The following KIAA1549 variants were observed in gnomAD, a reference collection of about 807,000 sequenced individuals.
KIAA1549 encodes KIAA1549.
In KIAA1549, 70 loss-of-function variants were observed where a neutral mutation model predicts 156.4. The ratio of observed to expected loss-of-function variants is 0.45; its 90% CI spans 0.37 to 0.55. The LOEUF (loss-of-function observed/expected upper bound fraction) is 0.55, where lower values mean the gene tolerates loss of function less well. KIAA1549 is among the 20% of genes least tolerant of loss of function. KIAA1549 has a pLI of 0.00. For synonymous variants in KIAA1549, 1,103 were observed against 1,066.4 expected (o/e 1.03, Z -0.67); for missense variants, 2,428 against 2,540.9 (o/e 0.96, Z 0.96).
chr7:138,894,377 G>T lies in KIAA1549; in HGVS notation c.3997C>A (p.Pro1333Thr). Reference sequence around the variant, plus strand: ...TGCTGAATGTTGGCCACAGTGTCAGGCTGAAAGTCTAGCTTGTCTGTGCGG... The same window carrying T: ...TGCTGAATGTTGGCCACAGTGTCAGTCTGAAAGTCTAGCTTGTCTGTGCGG... ...LCRTDKLDFQPDTVANIQQRQ... is the reference protein window; with the variant it reads ...LCRTDKLDFQTDTVANIQQRQ... The change falls in exon 10 of 20, where the codon CCT becomes ACT. Residue 1333 changes from proline (P) to threonine (T), a missense_variant. By Grantham distance (38) the Pro-to-Thr change is conservative (BLOSUM62 -1). Transcript: ENST00000422774. The T allele has an allele frequency of 6.2e-7, 1 of 1,613,948 alleles. No individual in the cohort carries two copies. Among genetic ancestry groups the T allele is most frequent in the Non-Finnish European group, 8.5e-7 (1 of 1,179,866 alleles).
chr7:138,914,487 A>C (rs1407858103), intron 2 of KIAA1549, among the ~76,000 whole-genome samples: 1 of 152,142 alleles, frequency 6.6e-6, no homozygotes, highest in African/African-American at 2.4e-5. Flanking sequence ...GACCCCCAGC[A>C]CCCAGAGTGG....
At chr7:138,857,181 T>C (rs1810418498) in intron 16 of KIAA1549, among the ~76,000 whole-genome samples, 1 of 152,096 alleles carries the variant, frequency 6.6e-6, no homozygotes, top group Non-Finnish European at 1.5e-5. Context: ...TCATAATAAG[T>C]AAATTTCTCT....
intron 1 of KIAA1549, among the ~76,000 whole-genome samples, chr7:138,944,120 T>C (rs1287588025): frequency 6.6e-6 from 1 of 151,804 alleles, no homozygotes; most frequent in African/African-American, 2.4e-5. Flanking sequence ...GATTACCATA[T>C]ACTGTTATTA....
chr7:138,942,687 G>A (rs1215197103), intron 1 of KIAA1549, among the ~76,000 whole-genome samples: 1 of 152,038 alleles, frequency 6.6e-6, no homozygotes, highest in Non-Finnish European at 1.5e-5. Flanking sequence ...GAGGCAGGCG[G>A]ATCACAAGGT....
intron 9 of KIAA1549, among the ~76,000 whole-genome samples, chr7:138,895,510 T>C (rs1392749161): frequency 6.6e-6 from 1 of 151,950 alleles, no homozygotes; most frequent in Non-Finnish European, 1.5e-5. Context: ...ATCATGATAA[T>C]GGAACAAGCC....
intron 1 of KIAA1549, among the ~76,000 whole-genome samples, chr7:138,928,546 C>T (rs1812786442): frequency 6.6e-6 from 1 of 152,244 alleles, no homozygotes; most frequent in South Asian, 2.1e-4. Flanking sequence ...CTCAGCCTCC[C>T]ATAGTGCTGG....
At chr7:138,934,511 T>C (rs1812954786) in intron 1 of KIAA1549, among the ~76,000 whole-genome samples, 1 of 151,886 alleles carries the variant, frequency 6.6e-6, no homozygotes, top group Non-Finnish European at 1.5e-5. Context: ...GATGTTTGAA[T>C]TGCCATATGT....
At chr7:138,838,857 T>C (rs1397431297) in intron 19 of KIAA1549, among the ~76,000 whole-genome samples, 1 of 152,148 alleles carries the variant, frequency 6.6e-6, no homozygotes, top group Non-Finnish European at 1.5e-5. Flanking sequence ...CCAAAGTGGA[T>C]GTGACAGGAA....
chr7:138,919,279 G>A lies in KIAA1549; in HGVS notation c.347C>T (p.Thr116Ile), dbSNP rs757419565. 6.2e-7 allele frequency: 1 copy of A among 1,614,036 alleles called. No homozygotes were observed. Among genetic ancestry groups the A allele is most frequent in the Non-Finnish European group, 8.5e-7 (1 of 1,179,910 alleles). ...GTTAAAAAAGGCTGTATCAAAAGTA[G>A]TGGCAGACGGCGGGGCTGTGACATG... ...PLHVTAPPSA[T>I]TFDTAFFNQG... The change falls in exon 2 of 20, where the codon ACT becomes ATT. Residue 116 changes from threonine (T) to isoleucine (I), a missense_variant. Transcript: ENST00000422774.
At chr7:138,847,955 C>G (rs187060053) in intron 17 of KIAA1549, among the ~76,000 whole-genome samples, 6 of 152,128 alleles carry the variant, frequency 3.9e-5, no homozygotes, top group Non-Finnish European at 8.8e-5. Flanking sequence ...TTTTAAATGA[C>G]ATCTTTGAAA....
At chr7:138,972,608 C>T (rs1007108522) in intron 1 of KIAA1549, among the ~76,000 whole-genome samples, 5 of 152,010 alleles carry the variant, frequency 3.3e-5, no homozygotes, top group South Asian at 2.1e-4. Flanking sequence ...AAAAATCACA[C>T]GGTGGGTTCC....
rs759617471 is a variant in KIAA1549 at position 138,834,198 on chromosome 7, C to T, written c.*3708G>A. ...TTTTTGAGACACAGTCTTGCTCTGT[C>T]GCCCAGGTTGGAGTACAGTGGTGCA... On this transcript the variant is annotated 3_prime_UTR_variant, in exon 20 of 20. Transcript: ENST00000422774. 3 of 193,062 alleles carry T rather than the reference C, an allele frequency of 1.6e-5. No homozygotes were observed. Among genetic ancestry groups the T allele is most frequent in the Admixed American group, 6.1e-5 (1 of 16,388 alleles). 12.0% of individuals were successfully genotyped at this position (193,062 alleles called of 1,614,324 possible). A position where few individuals can be genotyped will look rare whatever the true frequency, so the allele number is the denominator to read the frequency against.
intron 6 of KIAA1549, among the ~76,000 whole-genome samples, chr7:138,906,030 T>C (rs1811997229): frequency 6.6e-6 from 1 of 152,220 alleles, no homozygotes; most frequent in African/African-American, 2.4e-5. Flanking sequence ...CCCTAAATTA[T>C]GCCTTTTCCA....
rs535256138 is a variant in KIAA1549, at chr7:138,850,747, T to C, written c.5294+1476A>G. Among the ~76,000 whole-genome samples, 9 of 152,340 alleles carry C rather than the reference T, an allele frequency of 5.9e-5. No individual in the cohort carries two copies. In the South Asian group the frequency reaches 1.0e-3, roughly 18 times the overall value. ...ATTTTTGCTTTTGTTGTGATTGCTT[T>C]TGGCGTCTTCATCATGAAATCTTTG... is the stretch of plus-strand genomic sequence containing the variant. On this transcript the variant is annotated intron_variant, in intron 17 of 19. Transcript: ENST00000422774.
chr7:138,859,551 C>G (rs183683491), intron 16 of KIAA1549, among the ~76,000 whole-genome samples: 7 of 152,264 alleles, frequency 4.6e-5, no homozygotes, highest in Admixed American at 2.6e-4. Context: ...CTCTCCTGCA[C>G]GCTCCCTCAT....
intron 3 of KIAA1549, 34 bp downstream of exon 3, chr7:138,912,323 TCAGCCCCAGTCTCAC>T (rs1168087734): frequency 7.3e-7 from 1 of 1,372,222 alleles, no homozygotes; most frequent in East Asian, 2.3e-5. Flanking sequence ...GGCTCTCACA[TCAGCCCCAGTCTCAC>T]CAGACATCAC....
chr7:138,931,763 AAAAAAAAAAAG>A (rs1812880113), intron 1 of KIAA1549, among the ~76,000 whole-genome samples: 1 of 151,572 alleles, frequency 6.6e-6, no homozygotes, highest in South Asian at 2.1e-4. Flanking sequence ...AAAAAAAAAA[AAAAAAAAAAAG>A]AAGGTCTTGA....
chr7:138,875,677 G>A (rs1243680603), intron 12 of KIAA1549, among the ~76,000 whole-genome samples: 5 of 152,118 alleles, frequency 3.3e-5, no homozygotes, highest in Non-Finnish European at 7.4e-5. Context: ...TATAGAACAG[G>A]ATAATGTCAA....
chr7:138,955,691 C>T (rs1281234974), intron 1 of KIAA1549, among the ~76,000 whole-genome samples: 1 of 152,138 alleles, frequency 6.6e-6, no homozygotes, highest in African/African-American at 2.4e-5. Context: ...TATTTTGAAA[C>T]ACTAGGAAGA....
Sources: gnomAD v4.1 joint callset for allele counts (sites outside exome capture counted in the v4.1 genomes callset) on GRCh38, gnomAD v4.1.1 for gene constraint, MANE v1.5 for transcripts, NCBI Gene and HGNC (gene_info 2026-07-23, HGNC 2026-07-21) for gene names.